The following ZNF266 variants were observed in gnomAD, a reference collection of about 807,000 sequenced individuals.
ZNF266 encodes zinc finger protein 1.
Under a neutral mutation model 16.4 loss-of-function variants are expected in ZNF266, and 16 were observed. The observed-to-expected ratio is 0.98, with a 90% CI of 0.66 to 1.48. The LOEUF (loss-of-function observed/expected upper bound fraction) is 1.48. Ranked by LOEUF, ZNF266 falls within the 40% of genes most tolerant of loss-of-function variation. The probability of loss-of-function intolerance (pLI) is 0.00; values close to 1 mark genes in which losing one functional copy is unlikely to be tolerated. For synonymous variants in ZNF266, 262 were observed against 237.9 expected, an observed-to-expected ratio of 1.10 and a Z score of -0.93; for missense variants, 738 against 689.1, an observed-to-expected ratio of 1.07 and a Z score of -0.79.
chr19:9,415,820 G>A, intron 9 of ZNF266, 78 bp from the exon 10 acceptor site: 1 of 1,258,258 alleles, frequency 7.9e-7, no homozygotes, highest in Non-Finnish European at 1.1e-6. Flanking sequence ...GGGATCATTT[G>A]TACTTGTTTT....
Position 9,434,500 on chromosome 19 carries a change from C to T in ZNF266, c.-409-265G>A, listed in dbSNP as rs544424331. Among the ~76,000 whole-genome samples, 161 of 152,278 alleles carry T rather than the reference C, an allele frequency of 1.1e-3. 1 individual carries two copies. The highest frequency in any genetic ancestry group is 6.8e-4 in the Non-Finnish European group (46 of 68,022). Reference sequence around the variant, plus strand: ...CAATCAGAACTACCAAAATGTATAACTTTCTGAAAGAACGAGTGACTGCGC... The same window carrying T: ...CAATCAGAACTACCAAAATGTATAATTTTCTGAAAGAACGAGTGACTGCGC... On this transcript the variant is annotated intron_variant, in intron 3 of 10. Transcript: ENST00000592904.
chr19:9,418,595 T>G lies in ZNF266; in HGVS notation c.145A>C (p.Thr49Pro), dbSNP rs2069411243. Residue 49 changes from threonine (T) to proline (P), a missense_variant, in exon 8 of 11, where the codon ACC (threonine) becomes CCC (proline). Physicochemically the swap from Thr to Pro is conservative, Grantham distance 38. Coordinates refer to ENST00000592904, the MANE Select transcript of ZNF266 (RefSeq NM_001370374.1). ...TCCAGTAAAGTCCATTCTTCTGGGG[T>G]GAAGTCCACAGCCAGATCATCAAAA... ...VTFDDLAVDF[T>P]PEEWTLLDPT... 6.4e-7 allele frequency: 1 copy of G among 1,572,092 alleles called. No homozygotes were observed. The highest frequency in any genetic ancestry group is 1.7e-5 in the Admixed American group (1 of 59,876).
intron 5 of ZNF266, among the ~76,000 whole-genome samples, chr19:9,425,933 A>G (rs2070676366): frequency 6.6e-6 from 1 of 152,148 alleles, no homozygotes; most frequent in Non-Finnish European, 1.5e-5. Flanking sequence ...GCGCTGGGCC[A>G]ATCAAAGGGT....
chr19:9,413,471 A>C lies in ZNF266; in HGVS notation c.1655T>G (p.Ile552Ser). The change falls in exon 11 of 11, where the codon ATC becomes AGC. Residue 552 changes from isoleucine to serine, a missense_variant. Ile to Ser is a moderately radical substitution (Grantham distance 142). Transcript: ENST00000592904. ...TTTGTAGGGTTTTTCTCCAGTGTGG[A>C]TCCGCATGTGAAGGTTAACACACGT... ...FPTCVNLHMRIHTGEKPYKCK... is the reference protein window; with the variant it reads ...FPTCVNLHMRSHTGEKPYKCK... The C allele has an allele frequency of 6.2e-7, 1 of 1,613,932 alleles. No homozygotes were observed. The highest frequency in any genetic ancestry group is 8.5e-7 in the Non-Finnish European group (1 of 1,179,970).
chr19:9,424,220 CAAAAA>C (rs55740067), intron 5 of ZNF266, among the ~76,000 whole-genome samples: 9 of 121,640 alleles, frequency 7.4e-5, no homozygotes, highest in African/African-American at 1.7e-4. Context: ...AACCAAGAGG[CAAAAA>C]AAAAAAAAAA....
In ZNF266 at chr19:9,423,217, A is replaced by G. The variant is rs547984877; in HGVS notation, c.-129-2999T>C. The stretch of plus-strand genomic sequence containing the variant: ...TAATCTCCTGAAAGCAGAAATCAAC[A>G]CTGAGCATCCAATACAGCACCATTC... On this transcript the variant is annotated intron_variant, in intron 5 of 10. Coordinates refer to ENST00000592904, the MANE Select transcript of ZNF266 (RefSeq NM_001370374.1). 2.0e-5 allele frequency among the ~76,000 whole-genome samples: 3 copies of G among 149,904 alleles called. No individual in the cohort carries two copies. The East Asian group carries it at 5.9e-4, about 30-fold the overall frequency.
At chr19:9,434,644 G>A (rs1042084633) in intron 3 of ZNF266, among the ~76,000 whole-genome samples, 154 bp downstream of exon 3, 12 of 152,174 alleles carry the variant, frequency 7.9e-5, no homozygotes, top group African/African-American at 1.9e-4. Context: ...ACAAAGTGGA[G>A]AACTGTACCT....
Position 9,417,734 on chromosome 19 carries a change from T to G in ZNF266, c.316+94A>C, listed in dbSNP as rs1041700691. On this transcript the variant is annotated intron_variant, in intron 9 of 10. Transcript: ENST00000592904. ...CGGCACTCCAGCCTGGGTGACAGAG[T>G]GAGACTCCATCTCAAAAAAAAAAAA... 17 of 1,034,260 alleles carry G rather than the reference T, an allele frequency of 1.6e-5. No homozygotes were observed. In the African/African-American group the frequency reaches 2.3e-4, roughly 14 times the overall value. 64.1% of individuals were successfully genotyped at this position (1,034,260 alleles called of 1,614,324 possible). A position where few individuals can be genotyped will look rare whatever the true frequency, so the allele number is the denominator to read the frequency against.
At chr19:9,421,917 T>G (rs1012543035) in intron 5 of ZNF266, among the ~76,000 whole-genome samples, 2 of 152,072 alleles carry the variant, frequency 1.3e-5, no homozygotes, top group Non-Finnish European at 2.9e-5. Context: ...AGTGGCGCGA[T>G]CTCGGCTCAC....
rs1392660510 is a variant in ZNF266, at chr19:9,414,278, TCCTTA to T, written c.843_847del (p.Cys281Ter). On this transcript the variant is annotated stop_gained and frameshift_variant, in exon 11 of 11. Transcript: ENST00000592904. LOFTEE classifies it low-confidence loss of function (END_TRUNC). ...AGAATATCTAAATCCTTTTCCACAT[TCCTTA>T]CATTTGTAGGGTTTTTCTGACCTGT... The T allele has an allele frequency of 1.2e-6, 2 of 1,614,098 alleles. No homozygotes were observed. The highest frequency in any genetic ancestry group is 1.7e-5 in the Admixed American group (1 of 60,006).
chr19:9,417,938 A>T, intron 8 of ZNF266, 30 bp from the exon 9 acceptor site: 1 of 1,596,550 alleles, frequency 6.3e-7, no homozygotes, highest in South Asian at 1.1e-5. Context: ...CATTACCAGA[A>T]GAGGCTCATG....
At chr19:9,417,794 T>G (rs1249927675) in intron 9 of ZNF266, 34 bp downstream of exon 9, 1 of 1,580,492 alleles carries the variant, frequency 6.3e-7, no homozygotes, top group African/African-American at 1.3e-5. Flanking sequence ...CATACTGAAC[T>G]TATTGACCAG....
intron 5 of ZNF266, among the ~76,000 whole-genome samples, chr19:9,431,195 T>C (rs1470571292): frequency 1.3e-5 from 2 of 152,146 alleles, no homozygotes; most frequent in Non-Finnish European, 2.9e-5. Flanking sequence ...TGCGACACGG[T>C]GGTCAGCAGT....
intron 5 of ZNF266, among the ~76,000 whole-genome samples, chr19:9,424,488 G>T (rs770430224): frequency 1.4e-4 from 21 of 152,180 alleles, no homozygotes; most frequent in Non-Finnish European, 2.1e-4. Context: ...GAGCAGCTGA[G>T]GTTCAAGTGG....
chr19:9,424,643 GTTTA>G (rs775651296), intron 5 of ZNF266, among the ~76,000 whole-genome samples: 69 of 152,232 alleles, frequency 4.5e-4, no homozygotes, highest in Middle Eastern at 3.4e-3. Flanking sequence ...ATATCCATGT[GTTTA>G]TTTATTTAAA....
chr19:9,434,935 T>C (rs990999452), intron 2 of ZNF266, 76 bp from the exon 3 acceptor site: 2 of 152,220 alleles, frequency 1.3e-5, no homozygotes, highest in Non-Finnish European at 1.5e-5. Context: ...TCTACAAACG[T>C]TTATATTCAC....
At chr19:9,425,233 G>C (rs533164843) in intron 5 of ZNF266, among the ~76,000 whole-genome samples, 1 of 152,256 alleles carries the variant, frequency 6.6e-6, no homozygotes, top group East Asian at 1.9e-4. Context: ...CCTTAATAAC[G>C]CAAGGCCCAA....
At chr19:9,424,543 G>A (rs2070441199) in intron 5 of ZNF266, among the ~76,000 whole-genome samples, 1 of 152,184 alleles carries the variant, frequency 6.6e-6, no homozygotes, top group Non-Finnish European at 1.5e-5. Context: ...AGTAAACCAT[G>A]GACATCAACT....
intron 9 of ZNF266, among the ~76,000 whole-genome samples, chr19:9,416,917 CG>C (rs771077699): frequency 3.3e-5 from 5 of 151,542 alleles, no homozygotes; most frequent in Non-Finnish European, 5.9e-5. Flanking sequence ...GTGATCTGCC[CG>C]CCTCAGCCTC....
Sources: gnomAD v4.1 joint callset for allele counts (sites outside exome capture counted in the v4.1 genomes callset) on GRCh38, gnomAD v4.1.1 for gene constraint, MANE v1.5 for transcripts, NCBI Gene and HGNC (gene_info 2026-07-23, HGNC 2026-07-21) for gene names.